The following DOP1A variants were observed in gnomAD, a reference collection of about 807,000 sequenced individuals.
DOP1A encodes the protein DOP1 leucine zipper like protein A.
DOP1A carries 90 observed loss-of-function variants against 267.6 expected under a neutral mutation model. That is an observed-to-expected ratio of 0.34 (90% CI 0.28 to 0.40). DOP1A has a LOEUF of 0.40. Among genes scored for constraint, DOP1A ranks in the 10% least tolerant of loss-of-function variants. The probability of loss-of-function intolerance (pLI) is 1.00; values close to 1 mark genes in which losing one functional copy is unlikely to be tolerated. For synonymous variants in DOP1A, 932 were observed against 999.1 expected, an observed-to-expected ratio of 0.93 and a Z score of 1.27; for missense variants, 2,437 against 2,900.4, an observed-to-expected ratio of 0.84 and a Z score of 3.67.
chr6:83,167,989 T>A lies in DOP1A; in HGVS notation c.7220T>A (p.Phe2407Tyr). 1 of 1,614,112 alleles carries A rather than the reference T, an allele frequency of 6.2e-7. No individual in the cohort carries two copies. The highest frequency in any genetic ancestry group is 8.5e-7 in the Non-Finnish European group (1 of 1,180,018). The change falls in exon 39 of 39, where the codon TTC becomes TAC. Residue 2407 changes from phenylalanine (F) to tyrosine (Y), a missense_variant. By Grantham distance (22) the Phe-to-Tyr change is conservative. This residue lies in a region of DOP1A where 197 missense variants were observed against 246.5 expected (regional missense o/e 0.80). Transcript: ENST00000349129. ...LPFFNVLSQV[F>Y]NSKVTSRCGG... ...TTCTTCAATGTGCTCAGTCAAGTCT[T>A]CAACAGCAAAGTCACAAGCCGATGT...
intron 3 of DOP1A, among the ~76,000 whole-genome samples, 155 bp downstream of exon 3, chr6:83,097,270 C>T (rs1292273393): frequency 2.0e-5 from 3 of 152,014 alleles, no homozygotes; most frequent in Non-Finnish European, 4.4e-5. Flanking sequence ...GAGTTGCATG[C>T]CTGTGTAGTC....
chr6:83,116,629 G>T, intron 7 of DOP1A, among the ~76,000 whole-genome samples: 1 of 152,070 alleles, frequency 6.6e-6, no homozygotes, highest in Admixed American at 6.6e-5. Context: ...GGCCAACATG[G>T]TGAAACCCCA....
chr6:83,105,171 A>C (rs1773361393), intron 4 of DOP1A, among the ~76,000 whole-genome samples: 1 of 152,114 alleles, frequency 6.6e-6, no homozygotes, highest in African/African-American at 2.4e-5. Flanking sequence ...GGAATTTCTT[A>C]CTGTGATTAA....
intron 26 of DOP1A, among the ~76,000 whole-genome samples, chr6:83,148,111 T>A (rs1780907177): frequency 6.6e-6 from 1 of 151,986 alleles, no homozygotes; most frequent in Non-Finnish European, 1.5e-5. Flanking sequence ...AATAGAAAAA[T>A]TTCTAGATTA....
chr6:83,122,882 A>G lies in DOP1A; in HGVS notation c.1240A>G (p.Lys414Glu). 1 of 1,497,186 alleles carries G rather than the reference A, an allele frequency of 6.7e-7. No individual in the cohort carries two copies. Among genetic ancestry groups the G allele is most frequent in the Non-Finnish European group, 8.9e-7 (1 of 1,122,920 alleles). The allele number at this position is 1,497,186 out of a possible 1,614,324, so 92.7% of individuals were successfully genotyped here. The change falls in exon 12 of 39, where the codon AAA becomes GAA. Residue 414 changes from lysine (K) to glutamate (E), a missense_variant. Lys to Glu is a moderately conservative substitution (Grantham distance 56, BLOSUM62 1). This residue lies in a region of DOP1A where 498 missense variants were observed against 513.5 expected (regional missense o/e 0.97). Transcript: ENST00000349129. ...TTTCAGTAAATTAAGAGAAAATAAG[A>G]AAACAGCAGAGCTGATTAAAACTGC... ...QLSSKLRENK[K>E]TAELIKTANL...
intron 22 of DOP1A, 41 bp from the exon 23 acceptor site, chr6:83,140,180 C>T (rs1440927153): frequency 6.2e-7 from 1 of 1,604,896 alleles, no homozygotes; most frequent in African/African-American, 1.3e-5. Context: ...ATTTGTAAAT[C>T]TCAGTAAGTA....
At chr6:83,071,738 T>C (rs1785638982) in intron 1 of DOP1A, among the ~76,000 whole-genome samples, 2 of 152,214 alleles carry the variant, frequency 1.3e-5, no homozygotes, top group South Asian at 4.1e-4. Flanking sequence ...TAAAAAATAG[T>C]ACAAAGATAA....
intron 1 of DOP1A, among the ~76,000 whole-genome samples, chr6:83,078,360 C>T (rs1383389961): frequency 6.6e-6 from 1 of 152,172 alleles, no homozygotes; most frequent in Non-Finnish European, 1.5e-5. Context: ...ATGTACTTTT[C>T]TGAGCTTCCA....
At chr6:83,123,690 C>T (rs771562346) in intron 12 of DOP1A, among the ~76,000 whole-genome samples, 2 of 152,100 alleles carry the variant, frequency 1.3e-5, no homozygotes, top group Non-Finnish European at 2.9e-5. Flanking sequence ...AGTTAAAAAG[C>T]ATCATGCTAG....
chr6:83,138,285 C>A lies in DOP1A; in HGVS notation c.4243C>A (p.Gln1415Lys). ...TTSVNNAYTP[Q>K]LSLLQNLLAR... The stretch of plus-strand genomic sequence containing the variant: ...TAGTGTAAATAATGCATATACTCCT[C>A]AGTTGTCTCTCCTTCAGAATCTATT... Residue 1415 changes from glutamine (Q) to lysine (K), a missense_variant, in exon 21 of 39, where the codon CAG becomes AAG. Physicochemically the swap from Gln to Lys is moderately conservative, Grantham distance 53. Coordinates refer to ENST00000349129, the MANE Select transcript of DOP1A (RefSeq NM_015018.4). The A allele has an allele frequency of 2.5e-6, 4 of 1,612,958 alleles. No individual in the cohort carries two copies. The highest frequency in any genetic ancestry group is 3.4e-6 in the Non-Finnish European group (4 of 1,179,950).
At chr6:83,077,317 C>T (rs1767271192) in intron 1 of DOP1A, among the ~76,000 whole-genome samples, 1 of 151,612 alleles carries the variant, frequency 6.6e-6, no homozygotes, top group African/African-American at 2.4e-5. Context: ...GCCTGGGCAA[C>T]ATAGCAAGAC....
intron 4 of DOP1A, among the ~76,000 whole-genome samples, chr6:83,101,253 T>C (rs76947364): frequency 1.2e-4 from 18 of 152,200 alleles, no homozygotes; most frequent in Non-Finnish European, 5.9e-5. Context: ...CCTGACCTCA[T>C]GATCCGCCTG....
intron 9 of DOP1A, among the ~76,000 whole-genome samples, chr6:83,120,343 C>T (rs1776171189): frequency 6.6e-6 from 1 of 151,806 alleles, no homozygotes; most frequent in South Asian, 2.1e-4. Context: ...TGCCTAATAG[C>T]AGACACTGCC....
At chr6:83,142,905 G>A (rs1250542091) in intron 24 of DOP1A, among the ~76,000 whole-genome samples, 21 of 151,980 alleles carry the variant, frequency 1.4e-4, no homozygotes, top group Non-Finnish European at 7.4e-5. Context: ...AGAATAGTAA[G>A]GCTATTATAT....
chr6:83,169,084 G>C (rs1786499876), downstream of DOP1A: 2 of 1,439,192 alleles, frequency 1.4e-6, no homozygotes, highest in South Asian at 3.0e-5. Context: ...GAATTATTCT[G>C]TTAGTGTTTA....
chr6:83,095,936 C>CT (rs954106106), intron 1 of DOP1A, among the ~76,000 whole-genome samples: 2 of 152,134 alleles, frequency 1.3e-5, no homozygotes, highest in African/African-American at 4.8e-5. Flanking sequence ...CCCCCCAGAA[C>CT]TAATGATAAG....
intron 23 of DOP1A, 101 bp downstream of exon 23, chr6:83,140,504 C>T: frequency 1.1e-6 from 1 of 947,190 alleles, no homozygotes; most frequent in South Asian, 2.0e-5. Flanking sequence ...ATTTACAGGA[C>T]TCTGCTAATT....
chr6:83,074,853 T>G (rs574165259), intron 1 of DOP1A, among the ~76,000 whole-genome samples: 3 of 152,362 alleles, frequency 2.0e-5, no homozygotes, highest in Middle Eastern at 3.4e-3. Context: ...AGAGGATTGC[T>G]TGAGCCCAGC....
chr6:83,076,266 G>A (rs997059998), intron 1 of DOP1A, among the ~76,000 whole-genome samples: 1 of 152,230 alleles, frequency 6.6e-6, no homozygotes, highest in African/African-American at 2.4e-5. Context: ...GCTCAGGCCT[G>A]TAATCCCAGC....
Sources: gnomAD v4.1 joint callset for allele counts (sites outside exome capture counted in the v4.1 genomes callset) on GRCh38, gnomAD v4.1.1 for gene constraint, gnomAD v4.1.1 regional missense constraint, MANE v1.5 for transcripts, NCBI Gene and HGNC (gene_info 2026-07-23, HGNC 2026-07-21) for gene names.